The following LRP1B variants were observed in gnomAD, a reference collection of about 807,000 sequenced individuals.
The protein encoded by LRP1B is LDL receptor related protein 1B, also known as low-density lipoprotein receptor-related protein 1B.
A neutral mutation model predicts 556.6 loss-of-function variants in LRP1B; 217 were observed. The ratio of observed to expected loss-of-function variants is 0.39; its 90% confidence interval spans 0.35 to 0.44. The LOEUF (loss-of-function observed/expected upper bound fraction) is 0.44, where lower values mean the gene tolerates loss of function less well. Ranked by LOEUF, LRP1B falls within the 20% of genes least tolerant of loss-of-function variation. LRP1B has a pLI of 1.00. For missense variants in LRP1B, 5,053 were observed against 5,620.8 expected (o/e 0.90, Z 3.23); for synonymous variants, 2,047 against 1,865.8 (o/e 1.10, Z -2.50).
intron 1 of LRP1B, among the ~76,000 whole-genome samples, chr2:141,988,192 A>G (rs570051952): frequency 2.0e-5 from 3 of 152,062 alleles, no homozygotes; most frequent in Admixed American, 2.0e-4. Flanking sequence ...GCTGTTACAA[A>G]TGAAGGACAA....
At chr2:140,393,481 C>G (rs1411198582) in intron 66 of LRP1B, among the ~76,000 whole-genome samples, 1 of 151,206 alleles carries the variant, frequency 6.6e-6, no homozygotes, top group African/African-American at 2.4e-5. Flanking sequence ...TGCATAAAAC[C>G]ATTTTAGAGT....
At chr2:141,288,068 T>C (rs1335066348) in intron 3 of LRP1B, among the ~76,000 whole-genome samples, 1 of 152,166 alleles carries the variant, frequency 6.6e-6, no homozygotes, top group African/African-American at 2.4e-5. Context: ...ATACATACTA[T>C]CTACTATCCC....
intron 1 of LRP1B, among the ~76,000 whole-genome samples, chr2:142,043,061 T>A (rs1704118525): frequency 6.6e-6 from 1 of 151,724 alleles, no homozygotes; most frequent in East Asian, 1.9e-4. Flanking sequence ...AACCTCGTGA[T>A]ATTGTTTTCT....
intron 2 of LRP1B, among the ~76,000 whole-genome samples, chr2:141,589,127 C>T (rs1359105739): frequency 6.6e-6 from 1 of 152,078 alleles, no homozygotes; most frequent in East Asian, 1.9e-4. Flanking sequence ...AAGTAAAGCT[C>T]ACTTGCAGTA....
intron 2 of LRP1B, among the ~76,000 whole-genome samples, chr2:141,626,216 G>A (rs1688696904): frequency 6.6e-6 from 1 of 152,228 alleles, no homozygotes; most frequent in African/African-American, 2.4e-5. Context: ...ATAGAGAAAA[G>A]ATAGTTTTTC....
chr2:141,786,464 G>A (rs530934062), intron 2 of LRP1B, among the ~76,000 whole-genome samples: 1 of 151,876 alleles, frequency 6.6e-6, no homozygotes, highest in Non-Finnish European at 1.5e-5. Context: ...AAATGAGATT[G>A]ATTTTTGTAT....
intron 2 of LRP1B, among the ~76,000 whole-genome samples, chr2:141,785,313 G>A (rs1695393593): frequency 6.6e-6 from 1 of 151,900 alleles, no homozygotes. Flanking sequence ...AAATAACTAA[G>A]TTGCTCAGTC....
intron 1 of LRP1B, among the ~76,000 whole-genome samples, chr2:141,975,584 T>C (rs1365882552): frequency 6.6e-6 from 1 of 152,156 alleles, no homozygotes; most frequent in African/African-American, 2.4e-5. Flanking sequence ...CCTTCAGCTG[T>C]AATGTGTTAA....
intron 20 of LRP1B, among the ~76,000 whole-genome samples, chr2:140,939,703 C>G (rs981264388): frequency 2.6e-5 from 4 of 150,978 alleles, no homozygotes; most frequent in Admixed American, 6.6e-5. Flanking sequence ...TATTAAAGAA[C>G]AATGACAATA....
chr2:140,430,433 A>G (rs189227588), intron 66 of LRP1B, among the ~76,000 whole-genome samples: 1 of 152,192 alleles, frequency 6.6e-6, no homozygotes, highest in Non-Finnish European at 1.5e-5. Context: ...AGGCCGCTTC[A>G]CTTCCAAAGG....
chr2:141,976,857 A>C (rs1161999494), intron 1 of LRP1B, among the ~76,000 whole-genome samples: 1 of 152,178 alleles, frequency 6.6e-6, no homozygotes, highest in Admixed American at 6.6e-5. Flanking sequence ...TAAGGAGTTC[A>C]TAAAATAGGA....
chr2:141,226,289 C>T (rs1361753616), intron 6 of LRP1B, among the ~76,000 whole-genome samples: 1 of 152,088 alleles, frequency 6.6e-6, no homozygotes, highest in Non-Finnish European at 1.5e-5. Flanking sequence ...CCAGCTTTAC[C>T]TAATACATCT....
intron 2 of LRP1B, among the ~76,000 whole-genome samples, chr2:141,761,569 A>C (rs1694549185): frequency 6.6e-6 from 1 of 152,186 alleles, no homozygotes; most frequent in African/African-American, 2.4e-5. Flanking sequence ...TGCTATTAGA[A>C]ATTTAGAGGC....
In LRP1B at chr2:140,427,120, G is replaced by A. The variant is rs1436484013; in HGVS notation, c.10414+15384C>T. On this transcript the variant is annotated intron_variant, in intron 66 of 90. Transcript: ENST00000389484. ...ATTTTATCCGTGGACCCAAAACTCCGGCGCCGGTCACGGACTCGGGAAGGC... is the reference window on the plus strand; with the variant it reads ...ATTTTATCCGTGGACCCAAAACTCCAGCGCCGGTCACGGACTCGGGAAGGC... Among the ~76,000 whole-genome samples the A allele has an allele frequency of 3.9e-5, 6 of 152,072 alleles. No homozygotes were observed. The East Asian group carries it at 7.7e-4, about 20-fold the overall frequency.
chr2:141,005,501 C>A (rs765955873), intron 14 of LRP1B, 44 bp from the exon 15 acceptor site: 1 of 1,600,580 alleles, frequency 6.2e-7, no homozygotes, highest in Non-Finnish European at 8.5e-7. Context: ...CTCTGATTCA[C>A]GTTCTTTCTA....
chr2:141,952,625 T>C (rs1701137617), intron 1 of LRP1B, among the ~76,000 whole-genome samples: 1 of 152,078 alleles, frequency 6.6e-6, no homozygotes, highest in Non-Finnish European at 1.5e-5. Flanking sequence ...TGTAAGATGA[T>C]GAATGGAGGT....
intron 7 of LRP1B, among the ~76,000 whole-genome samples, chr2:141,185,016 T>C (rs1040063445): frequency 7.2e-5 from 11 of 152,056 alleles, no homozygotes; most frequent in African/African-American, 2.2e-4. Context: ...GGTAGAATAT[T>C]GGTCTCATTA....
intron 20 of LRP1B, among the ~76,000 whole-genome samples, chr2:140,939,027 T>C (rs1695315631): frequency 6.6e-6 from 1 of 152,058 alleles, no homozygotes; most frequent in African/African-American, 2.4e-5. Flanking sequence ...TAAGAAAATG[T>C]ACAAACTCGA....
chr2:141,968,084 T>C (rs1168299200), intron 1 of LRP1B, among the ~76,000 whole-genome samples: 1 of 151,862 alleles, frequency 6.6e-6, no homozygotes, highest in Non-Finnish European at 1.5e-5. Flanking sequence ...TACTTAGGCT[T>C]GCACCCTGTA....
Sources: allele counts gnomAD v4.1 joint callset (sites outside exome capture counted in the v4.1 genomes callset), GRCh38; gene constraint gnomAD v4.1.1; transcripts MANE v1.5; gene names NCBI Gene and HGNC (gene_info 2026-07-23, HGNC 2026-07-21).